SLC5A1: variants seen among roughly 807,000 people sequenced by gnomAD.
SLC5A1 encodes the protein solute carrier family 5 member 1.
A neutral mutation model predicts 73.5 loss-of-function variants in SLC5A1; 42 were observed. The observed-to-expected ratio is 0.57, with a 90% CI of 0.45 to 0.74. The LOEUF (loss-of-function observed/expected upper bound fraction) is 0.74, where lower values mean the gene tolerates loss of function less well. Among genes scored for constraint, SLC5A1 ranks in the 30% least tolerant of loss-of-function variants. The probability of loss-of-function intolerance (pLI) is 0.00; values close to 1 mark genes in which losing one functional copy is unlikely to be tolerated. For missense variants in SLC5A1, 634 were observed against 855.4 expected (o/e 0.74, Z 3.23); for synonymous variants, 300 against 317.4 (o/e 0.95, Z 0.58).
At chr22:32,077,635 C>T (rs147682373) in intron 5 of SLC5A1, among the ~76,000 whole-genome samples, 1,963 of 152,016 alleles carry the variant, frequency 0.013, 45 homozygotes, top group African/African-American at 0.044. Flanking sequence ...TAGCAAACAC[C>T]CTTATATTCA....
At chr22:32,090,307 A>G (rs994120349) in intron 10 of SLC5A1, among the ~76,000 whole-genome samples, 1 of 152,142 alleles carries the variant, frequency 6.6e-6, no homozygotes, top group African/African-American at 2.4e-5. Context: ...TCCCTATTTC[A>G]CCCCAACCTC....
intron 5 of SLC5A1, among the ~76,000 whole-genome samples, chr22:32,081,377 C>A (rs1252439653): frequency 6.6e-6 from 1 of 152,112 alleles, no homozygotes; most frequent in East Asian, 1.9e-4. Context: ...AAATTACAAA[C>A]TTGCTAAGTT....
Position 32,104,806 on chromosome 22 carries a change from C to G in SLC5A1, c.1686C>G (p.Ser562Arg). The change falls in exon 14 of 15, where the codon AGC becomes AGG. Residue 562 changes from serine to arginine, a missense_variant. By Grantham distance (110) the Ser-to-Arg change is moderately radical. Coordinates refer to ENST00000266088, the MANE Select transcript of SLC5A1 (RefSeq NM_000343.4). ...PDVHLYRLCW[S>R]LRNSKEERID... ...TGCAGCTCTACCGTCTGTGTTGGAG[C>G]CTGCGCAACAGCAAAGAGGAGCGTA... 1 of 1,613,982 alleles carries G rather than the reference C, an allele frequency of 6.2e-7. No individual in the cohort carries two copies. The highest frequency in any genetic ancestry group is 8.5e-7 in the Non-Finnish European group (1 of 1,179,952).
chr22:32,102,360 A>G (rs1233244365), intron 13 of SLC5A1, 123 bp downstream of exon 13: 4 of 757,564 alleles, frequency 5.3e-6, no homozygotes, highest in Non-Finnish European at 9.2e-6. Context: ...GGGTACATGT[A>G]ATGTTTTGAT....
At chr22:32,059,215 A>G in intron 2 of SLC5A1, 2 of 985,334 alleles carry the variant, frequency 2.0e-6, no homozygotes, top group Non-Finnish European at 2.4e-6. Flanking sequence ...TGGGCGACAG[A>G]AAAAGACTCT....
At chr22:32,100,467 T>C (rs980777426) in intron 12 of SLC5A1, among the ~76,000 whole-genome samples, 1 of 152,212 alleles carries the variant, frequency 6.6e-6, no homozygotes, top group Non-Finnish European at 1.5e-5. Flanking sequence ...AGCTGTGAGT[T>C]TGTCATATAT....
rs543408547 is a variant in SLC5A1 at position 32,079,224 on chromosome 22, C to G, written c.478-2642C>G. 4.6e-5 allele frequency among the ~76,000 whole-genome samples: 7 copies of G among 152,282 alleles called. No individual in the cohort carries two copies. The South Asian group carries it at 1.5e-3, about 32-fold the overall frequency. ...TGTCAGAGCACCCAGACTAGAGTGG[C>G]CTTGCTCAGCTGGAGTCAGCTACAT... is the stretch of plus-strand genomic sequence containing the variant. On this transcript the variant is annotated intron_variant, in intron 5 of 14. Coordinates refer to ENST00000266088, the MANE Select transcript of SLC5A1 (RefSeq NM_000343.4).
At chr22:32,058,588 G>T (rs1365087528) in intron 2 of SLC5A1, among the ~76,000 whole-genome samples, 1 of 152,090 alleles carries the variant, frequency 6.6e-6, no homozygotes, top group Non-Finnish European at 1.5e-5. Flanking sequence ...ACTTTTAAAT[G>T]ATTTTAACGT....
intron 5 of SLC5A1, among the ~76,000 whole-genome samples, chr22:32,072,008 T>C (rs1269054270): frequency 2.0e-5 from 3 of 152,176 alleles, no homozygotes; most frequent in Non-Finnish European, 2.9e-5. Flanking sequence ...CATTTTGCCA[T>C]TTTTGGTTCA....
intron 5 of SLC5A1, among the ~76,000 whole-genome samples, chr22:32,075,764 T>A (rs770643708): frequency 6.6e-6 from 1 of 150,836 alleles, no homozygotes; most frequent in Non-Finnish European, 1.5e-5. Flanking sequence ...GGGCAGGGGG[T>A]AGGGTAGGGA....
intron 1 of SLC5A1, among the ~76,000 whole-genome samples, chr22:32,044,851 T>C (rs2093935089): frequency 6.6e-6 from 1 of 152,176 alleles, no homozygotes; most frequent in Admixed American, 6.5e-5. Flanking sequence ...TAAAAAAAAC[T>C]ACTATTGTCA....
intron 3 of SLC5A1, 29 bp downstream of exon 3, chr22:32,067,068 G>A: frequency 1.3e-6 from 2 of 1,498,288 alleles, no homozygotes; most frequent in Non-Finnish European, 1.9e-6. Context: ...ATGGTGCACT[G>A]GGGCTGGAAG....
intron 12 of SLC5A1, among the ~76,000 whole-genome samples, chr22:32,101,606 A>G (rs73881607): frequency 0.02 from 3,107 of 152,266 alleles, 93 homozygotes; most frequent in African/African-American, 0.07. Context: ...CCTCACAAGT[A>G]ATTACTTTTC....
intron 13 of SLC5A1, among the ~76,000 whole-genome samples, chr22:32,102,687 G>A (rs1017287504): frequency 6.6e-6 from 1 of 151,982 alleles, no homozygotes; most frequent in Non-Finnish European, 1.5e-5. Context: ...TTGTATTTTT[G>A]TACCCATTAA....
At chr22:32,051,333 G>A (rs970999608) in intron 2 of SLC5A1, among the ~76,000 whole-genome samples, 2 of 152,130 alleles carry the variant, frequency 1.3e-5, no homozygotes, top group Non-Finnish European at 2.9e-5. Flanking sequence ...GGTCAGATAA[G>A]GAATCTCAAA....
chr22:32,101,892 C>T, intron 12 of SLC5A1, 130 bp from the exon 13 acceptor site: 2 of 741,268 alleles, frequency 2.7e-6, no homozygotes, highest in Non-Finnish European at 4.8e-6. Context: ...GTTCTGGGTT[C>T]AGACAGCCTG....
At chr22:32,082,774 T>C (rs1014987694) in intron 6 of SLC5A1, among the ~76,000 whole-genome samples, 41 of 152,196 alleles carry the variant, frequency 2.7e-4, no homozygotes, top group Non-Finnish European at 1.5e-4. Context: ...ACGCTTCTTC[T>C]TACCACAGAG....
intron 7 of SLC5A1, 72 bp from the exon 8 acceptor site, chr22:32,084,367 C>A: frequency 7.4e-7 from 1 of 1,353,672 alleles, no homozygotes; most frequent in Non-Finnish European, 1.0e-6. Flanking sequence ...GTTTCTCAGG[C>A]ATCTATGGAA....
chr22:32,091,507 G>T, intron 10 of SLC5A1, 105 bp from the exon 11 acceptor site: 1 of 1,282,012 alleles, frequency 7.8e-7, no homozygotes, highest in Non-Finnish European at 1.1e-6. Context: ...TGGATAACAT[G>T]GCATGGTTTC....
Sources: allele counts gnomAD v4.1 joint callset (sites outside exome capture counted in the v4.1 genomes callset), GRCh38; gene constraint gnomAD v4.1.1; transcripts MANE v1.5; gene names NCBI Gene and HGNC (gene_info 2026-07-23, HGNC 2026-07-21).